Variants in CREB5 observed in about 807,000 individuals in gnomAD.
The protein encoded by CREB5 is cAMP responsive element binding protein 5.
In CREB5, 19 loss-of-function variants were observed where a neutral mutation model predicts 57.1. That is an observed-to-expected ratio of 0.33 (90% CI 0.23 to 0.49). The LOEUF is 0.49. CREB5 is among the 20% of genes least tolerant of loss of function. The probability of loss-of-function intolerance (pLI) is 0.99; values close to 1 mark genes in which losing one functional copy is unlikely to be tolerated. For missense variants in CREB5, 579 were observed against 671.6 expected, an observed-to-expected ratio of 0.86 and a Z score of 1.52; for synonymous variants, 238 against 238.3, an observed-to-expected ratio of 1.00 and a Z score of 0.01.
intron 1 of CREB5, among the ~76,000 whole-genome samples, chr7:28,364,257 A>G (rs1017869111): frequency 1.3e-5 from 2 of 152,236 alleles, no homozygotes; most frequent in Non-Finnish European, 2.9e-5. Flanking sequence ...CCTTAAGATC[A>G]TATGATTTTT....
chr7:28,533,906 G>A (rs1047174577), intron 4 of CREB5, among the ~76,000 whole-genome samples: 2 of 152,136 alleles, frequency 1.3e-5, no homozygotes, highest in South Asian at 4.1e-4. Context: ...AAAACCAAGT[G>A]TAAACATGAG....
At position 28,704,405 on chromosome 7, in the gene CREB5, G is replaced by T. The variant is rs569341243; in HGVS notation, c.465-14348G>T. 2.0e-5 allele frequency among the ~76,000 whole-genome samples: 3 copies of T among 152,166 alleles called. No homozygotes were observed. In the South Asian group the frequency reaches 6.2e-4, roughly 32 times the overall value. ...AGTAAGGAATTACTCATCTATATGT[G>T]TCCACCTTTGAGGAAAATCTACCTT... On this transcript the variant is annotated intron_variant, in intron 5 of 10. Transcript: ENST00000357727.
intron 5 of CREB5, among the ~76,000 whole-genome samples, chr7:28,660,401 T>TTTTTTTTTA (rs1799559909): frequency 6.6e-6 from 1 of 150,736 alleles, no homozygotes; most frequent in African/African-American, 2.4e-5. Context: ...TTTTTTTTTT[T>TTTTTTTTTA]GAGCATGTAC....
At chr7:28,700,850 C>T (rs898802394) in intron 5 of CREB5, among the ~76,000 whole-genome samples, 5 of 151,886 alleles carry the variant, frequency 3.3e-5, no homozygotes, top group African/African-American at 7.3e-5. Context: ...GATAGAGTTA[C>T]GATGCTGCCC....
chr7:28,710,647 G>T (rs998880978), intron 5 of CREB5, among the ~76,000 whole-genome samples: 3 of 152,096 alleles, frequency 2.0e-5, no homozygotes, highest in Non-Finnish European at 4.4e-5. Flanking sequence ...AATCATTGAT[G>T]AATTAAATCA....
At chr7:28,735,988 G>A (rs749469224) in intron 7 of CREB5, among the ~76,000 whole-genome samples, 1 of 151,256 alleles carries the variant, frequency 6.6e-6, no homozygotes, top group African/African-American at 2.4e-5. Flanking sequence ...ATTTTTTACA[G>A]AGACAGGGTC....
chr7:28,621,785 T>C (rs1797801856), intron 5 of CREB5, among the ~76,000 whole-genome samples: 1 of 152,172 alleles, frequency 6.6e-6, no homozygotes, highest in Admixed American at 6.6e-5. Flanking sequence ...GATGTCGTCA[T>C]ACCAAGCAAG....
chr7:28,448,324 A>G lies in CREB5; in HGVS notation c.3+35407A>G, dbSNP rs144407280. On this transcript the variant is annotated intron_variant, in intron 1 of 10. Coordinates refer to ENST00000357727, the MANE Select transcript of CREB5 (RefSeq NM_182898.4). Reference sequence around the variant, plus strand: ...ACTTAATAAAGTTCCCTTTATATCTATCCTATTAGTTCTGTCCCTCTAGAG... The same window carrying G: ...ACTTAATAAAGTTCCCTTTATATCTGTCCTATTAGTTCTGTCCCTCTAGAG... 1.8e-4 allele frequency among the ~76,000 whole-genome samples: 28 copies of G among 152,268 alleles called. No individual in the cohort carries two copies. The East Asian group carries it at 4.2e-3, about 23-fold the overall frequency.
chr7:28,660,381 G>A (rs1369276427), intron 5 of CREB5, among the ~76,000 whole-genome samples: 1 of 119,260 alleles, frequency 8.4e-6, no homozygotes, highest in Non-Finnish European at 1.7e-5. Context: ...GCATTCAACA[G>A]TTTTTTTTTT....
intron 1 of CREB5, among the ~76,000 whole-genome samples, chr7:28,353,891 G>T (rs149755093): frequency 6.6e-6 from 1 of 151,570 alleles, no homozygotes; most frequent in Non-Finnish European, 1.5e-5. Flanking sequence ...ACTGAAAGTA[G>T]CTCAGATAAG....
At chr7:28,642,987 TACACACACACACACAC>T (rs1179446048) in intron 5 of CREB5, among the ~76,000 whole-genome samples, 1 of 98,332 alleles carries the variant, frequency 1.0e-5, no homozygotes, top group Non-Finnish European at 2.1e-5. Context: ...CACACACACA[TACACACACACACACAC>T]ACACACACAC....
intron 7 of CREB5, among the ~76,000 whole-genome samples, chr7:28,747,864 C>T (rs1016876122): frequency 1.3e-5 from 2 of 152,206 alleles, no homozygotes; most frequent in Non-Finnish European, 2.9e-5. Context: ...AAGGGCGCCC[C>T]TCCCCTGAAG....
chr7:28,340,815 C>G (rs1249028480), intron 1 of CREB5, among the ~76,000 whole-genome samples: 1 of 152,178 alleles, frequency 6.6e-6, no homozygotes, highest in African/African-American at 2.4e-5. Context: ...GTTCTGACCA[C>G]TGGGATGGGT....
intron 7 of CREB5, among the ~76,000 whole-genome samples, chr7:28,742,565 C>A (rs367992183): frequency 6.7e-6 from 1 of 149,420 alleles, no homozygotes; most frequent in African/African-American, 2.5e-5. Flanking sequence ...GACTCCGTCT[C>A]AAAAAAAAAG....
chr7:28,495,206 A>G (rs1190427543), intron 3 of CREB5, among the ~76,000 whole-genome samples: 2 of 152,164 alleles, frequency 1.3e-5, no homozygotes, highest in African/African-American at 4.8e-5. Context: ...TGAAATATGT[A>G]TTACTATGCA....
intron 5 of CREB5, among the ~76,000 whole-genome samples, chr7:28,712,274 G>A (rs973567660): frequency 6.6e-6 from 1 of 151,880 alleles, no homozygotes; most frequent in African/African-American, 2.4e-5. Context: ...TTGGGAGGTC[G>A]AGGCAGGTGA....
intron 10 of CREB5, 113 bp from the exon 11 acceptor site, chr7:28,819,003 T>C (rs1562663594): frequency 8.1e-7 from 1 of 1,230,068 alleles, no homozygotes; most frequent in Non-Finnish European, 1.1e-6. Flanking sequence ...GTGAAACTTC[T>C]ATTTCAAGTA....
intron 1 of CREB5, among the ~76,000 whole-genome samples, chr7:28,366,895 A>G (rs944257379): frequency 6.6e-6 from 1 of 152,238 alleles, no homozygotes; most frequent in Admixed American, 6.5e-5. Flanking sequence ...TGCAAGTTGT[A>G]GAGGGGTAAT....
intron 5 of CREB5, among the ~76,000 whole-genome samples, chr7:28,650,928 C>T (rs1209511776): frequency 2.0e-5 from 3 of 152,104 alleles, no homozygotes; most frequent in Non-Finnish European, 2.9e-5. Flanking sequence ...TGGCAGGGGT[C>T]TGTGCCCTAG....
Sources: allele counts gnomAD v4.1 joint callset (sites outside exome capture counted in the v4.1 genomes callset), GRCh38; gene constraint gnomAD v4.1.1; transcripts MANE v1.5; gene names NCBI Gene and HGNC (gene_info 2026-07-23, HGNC 2026-07-21).